The following ZNRF3 variants were observed in gnomAD, a reference collection of about 807,000 sequenced individuals.
ZNRF3 encodes the protein zinc and ring finger 3, also known as E3 ubiquitin-protein ligase ZNRF3.
In ZNRF3, 23 loss-of-function variants were observed where a neutral mutation model predicts 72.5. That is an observed-to-expected ratio of 0.32 (90% confidence interval 0.23 to 0.45). ZNRF3 has a LOEUF of 0.45. Ranked by LOEUF, ZNRF3 falls within the 20% of genes least tolerant of loss-of-function variation. ZNRF3 has a pLI of 1.00. For synonymous variants in ZNRF3, 610 were observed against 545.3 expected, an observed-to-expected ratio of 1.12 and a Z score of -1.65; for missense variants, 1,169 against 1,272.1, an observed-to-expected ratio of 0.92 and a Z score of 1.23.
chr22:28,981,871 C>A (rs776900295), intron 1 of ZNRF3, among the ~76,000 whole-genome samples: 1 of 152,118 alleles, frequency 6.6e-6, no homozygotes, highest in African/African-American at 2.4e-5. Context: ...GTGGCGGGCG[C>A]CTCTAATCCC....
chr22:29,013,696 C>T (rs2036384252), intron 2 of ZNRF3, among the ~76,000 whole-genome samples: 1 of 152,200 alleles, frequency 6.6e-6, no homozygotes, highest in Admixed American at 6.5e-5. Flanking sequence ...ACCTAATGAA[C>T]AGCTTGACTC....
chr22:28,993,196 C>T (rs7287755), intron 2 of ZNRF3, among the ~76,000 whole-genome samples: 2,760 of 152,268 alleles, frequency 0.018, 82 homozygotes, highest in East Asian at 0.079. Context: ...TCAAGTTACC[C>T]TGCCACTAGA....
chr22:28,964,021 T>C (rs929804860), intron 1 of ZNRF3, among the ~76,000 whole-genome samples: 1 of 152,162 alleles, frequency 6.6e-6, no homozygotes, highest in Non-Finnish European at 1.5e-5. Flanking sequence ...CCCACCTACA[T>C]TCTAGTGCAC....
chr22:28,971,974 C>T (rs2035583345), intron 1 of ZNRF3, among the ~76,000 whole-genome samples: 1 of 152,186 alleles, frequency 6.6e-6, no homozygotes, highest in Non-Finnish European at 1.5e-5. Context: ...TCCCAAAGTG[C>T]TGGGATTACA....
chr22:29,046,456 G>T (rs1375990646), intron 5 of ZNRF3, among the ~76,000 whole-genome samples: 1 of 152,182 alleles, frequency 6.6e-6, no homozygotes, highest in Non-Finnish European at 1.5e-5. Context: ...CAAGTAATTG[G>T]AGGAGACCCC....
chr22:29,014,926 C>T (rs370858478), intron 2 of ZNRF3, among the ~76,000 whole-genome samples: 1 of 152,246 alleles, frequency 6.6e-6, no homozygotes, highest in East Asian at 1.9e-4. Flanking sequence ...AAGATTCCCA[C>T]AGCCCACTCC....
chr22:28,909,406 T>C (rs1411954490), intron 1 of ZNRF3, among the ~76,000 whole-genome samples: 2 of 152,174 alleles, frequency 1.3e-5, no homozygotes, highest in East Asian at 3.9e-4. Flanking sequence ...TACTGTGGAC[T>C]CCGCCTTCAG....
At chr22:28,958,642 C>T (rs747284230) in intron 1 of ZNRF3, among the ~76,000 whole-genome samples, 14 of 152,170 alleles carry the variant, frequency 9.2e-5, no homozygotes, top group East Asian at 3.9e-4. Context: ...TTGCCACTGA[C>T]GGAGAGAGGG....
At chr22:28,884,490 G>C (rs74905063) in intron 1 of ZNRF3, among the ~76,000 whole-genome samples, 1,873 of 152,296 alleles carry the variant, frequency 0.012, 46 homozygotes, top group African/African-American at 0.043. Flanking sequence ...TGTTCTTTTT[G>C]GGTGCGGCCA....
Position 29,048,295 on chromosome 22 carries a change from T to C in ZNRF3, c.913-94T>C. ...AGGAGAGTAGGGAAGGGCACGGGCA[T>C]GCTGTGCAGAACTCCTTGGTCTATG... On this transcript the variant is annotated intron_variant, in intron 6 of 8. Coordinates refer to ENST00000544604, the MANE Select transcript of ZNRF3 (RefSeq NM_001206998.2). This position sits in a 1 kb window ranked among gnomAD's most constrained non-coding sequence, Gnocchi z 4.9. 1.0e-6 allele frequency: 1 copy of C among 958,110 alleles called. No homozygotes were observed. The highest frequency in any genetic ancestry group is 1.6e-6 in the Non-Finnish European group (1 of 620,468). 59.4% of individuals were successfully genotyped at this position (958,110 alleles called of 1,614,324 possible).
chr22:28,885,587 TTC>T (rs2033768015), intron 1 of ZNRF3, among the ~76,000 whole-genome samples: 1 of 130,144 alleles, frequency 7.7e-6, no homozygotes, highest in Non-Finnish European at 1.5e-5. Context: ...ATTTACAGCC[TTC>T]TAAAAAAAAA....
At chr22:29,001,386 A>C (rs1054244737) in intron 2 of ZNRF3, among the ~76,000 whole-genome samples, 1 of 151,592 alleles carries the variant, frequency 6.6e-6, no homozygotes, top group Non-Finnish European at 1.5e-5. Context: ...CTTATTAGAT[A>C]CATTATTTGT....
At chr22:28,905,310 C>G (rs193174269) in intron 1 of ZNRF3, among the ~76,000 whole-genome samples, 1 of 152,138 alleles carries the variant, frequency 6.6e-6, no homozygotes, top group African/African-American at 2.4e-5. Context: ...CTGATGGGGC[C>G]TCAGCAAGTT....
chr22:28,959,221 T>G (rs1391448670), intron 1 of ZNRF3, among the ~76,000 whole-genome samples: 1 of 152,232 alleles, frequency 6.6e-6, no homozygotes, highest in Non-Finnish European at 1.5e-5. Context: ...TGGCTCCCTT[T>G]GTGGGAAGTG....
intron 1 of ZNRF3, among the ~76,000 whole-genome samples, chr22:28,942,284 A>G (rs1601586379): frequency 6.6e-6 from 1 of 152,358 alleles, no homozygotes; most frequent in East Asian, 1.9e-4. Flanking sequence ...GATGTGCCCA[A>G]CTGCCTGATA....
Position 29,027,889 on chromosome 22 carries a change from G to T in ZNRF3, c.427-14606G>T, listed in dbSNP as rs1300747675. Among the ~76,000 whole-genome samples, 4 of 152,178 alleles carry T rather than the reference G, an allele frequency of 2.6e-5. No homozygotes were observed. The East Asian group carries it at 7.7e-4, about 29-fold the overall frequency. On this transcript the variant is annotated intron_variant, in intron 2 of 8. Transcript: ENST00000544604. The stretch of plus-strand genomic sequence containing the variant: ...CTATAGCAGTGCTAAAAAGAGCCTG[G>T]GTTGGCCAGCCTGGCTTTGGTAGGG...
In ZNRF3 at chr22:28,952,015, C is replaced by T. The variant is rs5752840; in HGVS notation, c.301-35061C>T. On this transcript the variant is annotated intron_variant, in intron 1 of 8. Transcript: ENST00000544604. ...CGTGGAGCAAGGAGCACTGAGCCAG[C>T]ATGGGTATATCTGGCTTTCTTTTCT... Among the ~76,000 whole-genome samples the T allele has an allele frequency of 2.5e-3, 382 of 152,326 alleles. 14 individuals are homozygous for T. The East Asian group carries it at 0.053, about 21-fold the overall frequency.
intron 1 of ZNRF3, among the ~76,000 whole-genome samples, chr22:28,956,689 ACTC>A (rs2035268213): frequency 6.6e-6 from 1 of 151,846 alleles, no homozygotes; most frequent in Non-Finnish European, 1.5e-5. Context: ...GACTTCCTCT[ACTC>A]CTGCTTTGAC....
intron 1 of ZNRF3, among the ~76,000 whole-genome samples, chr22:28,981,724 C>T (rs1294365988): frequency 6.6e-6 from 1 of 152,142 alleles, no homozygotes; most frequent in African/African-American, 2.4e-5. Context: ...CAGCCGGGTG[C>T]GATGGCTCAT....
Sources: allele counts gnomAD v4.1 joint callset (sites outside exome capture counted in the v4.1 genomes callset), GRCh38; gene constraint gnomAD v4.1.1; non-coding constraint Gnocchi (gnomAD v3.1); transcripts MANE v1.5; gene names NCBI Gene and HGNC (gene_info 2026-07-23, HGNC 2026-07-21).